ZNF846: variants seen among roughly 807,000 people sequenced by gnomAD.
ZNF846 encodes the protein zinc finger protein 846.
ZNF846 carries 15 observed loss-of-function variants against 16.0 expected under a neutral mutation model. The ratio of observed to expected loss-of-function variants is 0.94; its 90% confidence interval spans 0.63 to 1.45. The LOEUF is 1.45. Ranked by LOEUF, ZNF846 falls within the 40% of genes most tolerant of loss-of-function variation. The pLI, the probability that ZNF846 is intolerant of heterozygous loss-of-function variation, is 0.00. For synonymous variants in ZNF846, 229 were observed against 212.0 expected, an observed-to-expected ratio of 1.08 and a Z score of -0.70; for missense variants, 714 against 622.3, an observed-to-expected ratio of 1.15 and a Z score of -1.57.
At chr19:9,756,386 A>ATAT (rs1310666218), downstream of ZNF846, 12 of 83,634 alleles carry the variant, frequency 1.4e-4, no homozygotes, top group African/African-American at 5.6e-4. Context: ...TATATATATA[A>ATAT]AGACATTCCC....
intron 3 of ZNF846, 117 bp downstream of exon 3, chr19:9,763,165 G>A: frequency 2.5e-6 from 2 of 789,850 alleles, no homozygotes. Flanking sequence ...AAAAAGGAAT[G>A]TCCACTGGCC....
chr19:9,757,842 T>A (rs185226239), exon 6 of ZNF846: 1 of 1,613,368 alleles, frequency 6.2e-7, no homozygotes, highest in Non-Finnish European at 8.5e-7. Context: ...AATCCTTACA[T>A]GTTGACTAAG....
At chr19:9,753,219 AATTT>A (rs57885198), downstream of ZNF846, among the ~76,000 whole-genome samples, 4,704 of 134,490 alleles carry the variant, frequency 0.035, 173 homozygotes, top group African/African-American at 0.079. Context: ...GAGGAGACAA[AATTT>A]ATTTATTTAT....
chr19:9,783,633 T>G (rs1266845223), intron 1 of ZNF846, among the ~76,000 whole-genome samples: 1 of 148,942 alleles, frequency 6.7e-6, no homozygotes. Flanking sequence ...CTCCAACTCC[T>G]GAGCTCAAGT....
At chr19:9,768,057 C>T (rs1207320301) in intron 1 of ZNF846, among the ~76,000 whole-genome samples, 1 of 152,172 alleles carries the variant, frequency 6.6e-6, no homozygotes, top group African/African-American at 2.4e-5. Context: ...GAAGCCCCTC[C>T]GTTTTGAAGC....
chr19:9,772,307 A>G (rs904816213), upstream of ZNF846, among the ~76,000 whole-genome samples: 2 of 151,966 alleles, frequency 1.3e-5, no homozygotes, highest in Admixed American at 6.6e-5. Context: ...ATTGATATAA[A>G]ATGTGGTAGA....
At chr19:9,762,040 G>A in intron 4 of ZNF846, 42 bp downstream of exon 4, 1 of 1,508,302 alleles carries the variant, frequency 6.6e-7, no homozygotes, top group Admixed American at 1.7e-5. Flanking sequence ...CTCCTAGGGT[G>A]GCACAGCAGT....
chr19:9,757,907 T>C (rs1238650365), exon 6 of ZNF846: 1 of 1,613,702 alleles, frequency 6.2e-7, no homozygotes. Context: ...AGGGCTTTTC[T>C]CCAGTATGTG....
At chr19:9,750,242 C>T (rs1443369303), downstream of ZNF846, among the ~76,000 whole-genome samples, 6 of 152,142 alleles carry the variant, frequency 3.9e-5, no homozygotes, top group African/African-American at 1.2e-4. Flanking sequence ...GCTACCCTCG[C>T]CCTGCTCATT....
Position 9,763,268 on chromosome 19 carries a change from G to T in ZNF846, c.142+14C>A, listed in dbSNP as rs776350480. ...TTCCTAAAGGGGTCAGTGAAGAAAT[G>T]ATGCCAGTTTTACCTAGTATAATGA... On this transcript the variant is annotated intron_variant, in intron 3 of 5. Transcript: ENST00000397902. 1.6e-5 allele frequency: 25 copies of T among 1,557,784 alleles called. No homozygotes were observed. In the Middle Eastern group the frequency reaches 1.4e-3, roughly 86 times the overall value.
At chr19:9,783,527 A>G (rs1034626455) in intron 1 of ZNF846, among the ~76,000 whole-genome samples, 7 of 104,834 alleles carry the variant, frequency 6.7e-5, no homozygotes, top group Non-Finnish European at 1.1e-4. Context: ...TCTCATCACT[A>G]AAAAAAAAAA....
chr19:9,750,192 G>A (rs1218740207), downstream of ZNF846, among the ~76,000 whole-genome samples: 1 of 152,110 alleles, frequency 6.6e-6, no homozygotes, highest in Non-Finnish European at 1.5e-5. Context: ...AGTCACTAAT[G>A]CTTAGGAAGA....
chr19:9,751,316 C>T (rs529841541), downstream of ZNF846, among the ~76,000 whole-genome samples: 74 of 152,226 alleles, frequency 4.9e-4, 1 homozygote, highest in African/African-American at 1.6e-3. Context: ...CCCTGAGAAA[C>T]GTCACCCATC....
Position 9,784,663 on chromosome 19 carries a change from G to T in ZNF846, c.-86+1275C>A, listed in dbSNP as rs142488815. Among the ~76,000 whole-genome samples the T allele has an allele frequency of 8.2e-3, 1,252 of 152,150 alleles. 11 individuals are homozygous for T. Among genetic ancestry groups the T allele is most frequent in the African/African-American group, 0.029 (1,209 of 41,508 alleles). The stretch of plus-strand genomic sequence containing the variant: ...CAGTAAGGTCTTTCCCTTCCCACAA[G>T]GCCATATCTCAGGCTGTCTCAGTGG... On this transcript the variant is annotated intron_variant, in intron 1 of 4. Transcript: ENST00000586814.
At chr19:9,783,096 A>T (rs1375713742) in intron 1 of ZNF846, among the ~76,000 whole-genome samples, 1 of 151,050 alleles carries the variant, frequency 6.6e-6, no homozygotes, top group East Asian at 1.9e-4. Flanking sequence ...TGATTTTTAA[A>T]TTTTTTTGTA....
At position 9,757,518 on chromosome 19, in the gene ZNF846, G is replaced by A. The variant is rs761727464; in HGVS notation, c.1559C>T (p.Ala520Val). Reference sequence around the variant, plus strand: ...CTTAGTTCTTAGATGTTTAGCAAGTGCTGAAGATTGAGTGAAGTTTTTCCC... The same window carrying A: ...CTTAGTTCTTAGATGTTTAGCAAGTACTGAAGATTGAGTGAAGTTTTTCCC... Residue 520 changes from alanine (A) to valine (V), a missense_variant, in exon 6 of 6, where the codon GCA becomes GTA. Coordinates refer to ENST00000397902, the Ensembl canonical transcript of ZNF846. 3.1e-6 allele frequency: 5 copies of A among 1,609,522 alleles called. No individual in the cohort carries two copies. In the South Asian group the frequency reaches 4.4e-5, roughly 14 times the overall value.
chr19:9,756,343 G>GTATATATATATATA (rs1190301971), downstream of ZNF846: 18 of 71,182 alleles, frequency 2.5e-4, no homozygotes, highest in Non-Finnish European at 3.2e-4. Flanking sequence ...GTGTGTGTGT[G>GTATATATATATATA]TGTATATATA....
chr19:9,757,413 T>C, downstream of ZNF846: 1 of 1,345,774 alleles, frequency 7.4e-7, no homozygotes, highest in South Asian at 1.5e-5. Context: ...TCATATTCTT[T>C]ACCTTCCTAT....
chr19:9,758,090 C>T (rs376535552), exon 6 of ZNF846: 3 of 1,613,472 alleles, frequency 1.9e-6, no homozygotes, highest in Non-Finnish European at 2.5e-6. Flanking sequence ...TGTGAATTCG[C>T]ATGTGTAAAA....
Sources: gnomAD v4.1 joint callset for allele counts (sites outside exome capture counted in the v4.1 genomes callset) on GRCh38, gnomAD v4.1.1 for gene constraint, MANE v1.5 for transcripts, NCBI Gene and HGNC (gene_info 2026-07-23, HGNC 2026-07-21) for gene names.